Variants in REC114 observed in about 807,000 individuals in gnomAD.
REC114 encodes meiotic recombination protein REC114.
REC114 carries 27 observed loss-of-function variants against 31.3 expected under a neutral mutation model. That is an observed-to-expected ratio of 0.86 (90% CI 0.64 to 1.19). The LOEUF (loss-of-function observed/expected upper bound fraction) is 1.19. REC114 is among the 50% of genes most tolerant of loss of function. REC114 has a pLI of 0.00. For missense variants in REC114, 344 were observed against 326.9 expected, an observed-to-expected ratio of 1.05 and a Z score of -0.40; for synonymous variants, 134 against 127.7, an observed-to-expected ratio of 1.05 and a Z score of -0.33.
intron 2 of REC114, among the ~76,000 whole-genome samples, chr15:73,512,152 G>A (rs1316603266): frequency 1.4e-5 from 2 of 138,510 alleles, no homozygotes; most frequent in Non-Finnish European, 3.0e-5. Flanking sequence ...TATATATTTA[G>A]GATAGTTAGC....
chr15:73,551,088 C>T lies in REC114; in HGVS notation c.484C>T (p.Pro162Ser), dbSNP rs369996498. The T allele has an allele frequency of 1.4e-5, 22 of 1,613,434 alleles. No homozygotes were observed. The highest frequency in any genetic ancestry group is 1.3e-4 in the African/African-American group (10 of 75,018). Reference sequence around the variant, plus strand: ...CCAGGAGCTTCAGCTGATTCCTGGCCCACCCAGGGCAACTGAAAGTCAAGG... The same window carrying T: ...CCAGGAGCTTCAGCTGATTCCTGGCTCACCCAGGGCAACTGAAAGTCAAGG... ...NIQELQLIPGPPRATESQGKD... is the reference protein window; with the variant it reads ...NIQELQLIPGSPRATESQGKD... Residue 162 changes from proline (P) to serine (S), a missense_variant, in exon 4 of 6, where the codon CCA (proline) becomes TCA (serine). By Grantham distance (74) the Pro-to-Ser change is moderately conservative. Transcript: ENST00000331090.
chr15:73,513,981 AGCTTCCTG>A (rs1333008250), intron 2 of REC114, among the ~76,000 whole-genome samples: 20 of 152,030 alleles, frequency 1.3e-4, no homozygotes, highest in African/African-American at 4.8e-4. Flanking sequence ...ACCCAGTTCG[AGCTTCCTG>A]GCTGCTTTGT....
At chr15:73,526,248 G>T (rs1894005783) in intron 2 of REC114, among the ~76,000 whole-genome samples, 1 of 152,048 alleles carries the variant, frequency 6.6e-6, no homozygotes, top group Non-Finnish European at 1.5e-5. Context: ...AATATCGTCT[G>T]ATCTTGCTTT....
At chr15:73,463,542 T>G (rs543293636) in intron 1 of REC114, among the ~76,000 whole-genome samples, 2 of 152,326 alleles carry the variant, frequency 1.3e-5, no homozygotes, top group East Asian at 1.9e-4. Context: ...TGAGTTAAGC[T>G]GGGCGCTGTG....
chr15:73,547,717 T>C (rs952021278), intron 3 of REC114, among the ~76,000 whole-genome samples: 1 of 152,118 alleles, frequency 6.6e-6, no homozygotes, highest in Non-Finnish European at 1.5e-5. Context: ...AGCCATAAAA[T>C]AGCCATACAC....
chr15:73,460,180 A>G (rs1188225326), intron 1 of REC114, among the ~76,000 whole-genome samples: 1 of 152,180 alleles, frequency 6.6e-6, no homozygotes, highest in African/African-American at 2.4e-5. Flanking sequence ...TGTAACAGAC[A>G]TAGTTTTCAT....
chr15:73,501,303 A>C (rs1893601298), intron 2 of REC114, among the ~76,000 whole-genome samples: 1 of 152,220 alleles, frequency 6.6e-6, no homozygotes, highest in Admixed American at 6.5e-5. Flanking sequence ...AGCACAATTT[A>C]AGGCAAGGTG....
intron 1 of REC114, among the ~76,000 whole-genome samples, chr15:73,444,438 G>C: frequency 6.6e-6 from 1 of 152,204 alleles, no homozygotes. Context: ...TCTTCACCAG[G>C]AGTAGATGCC....
chr15:73,544,404 A>C (rs1286064272), intron 3 of REC114, among the ~76,000 whole-genome samples: 1 of 152,196 alleles, frequency 6.6e-6, no homozygotes, highest in Admixed American at 6.5e-5. Context: ...GGAAGAAGTA[A>C]AATTTTCATT....
At chr15:73,500,728 G>GTTTTT (rs58043618) in intron 2 of REC114, among the ~76,000 whole-genome samples, 1 of 103,732 alleles carries the variant, frequency 9.6e-6, no homozygotes, top group Non-Finnish European at 2.2e-5. Context: ...TTCAATTATT[G>GTTTTT]TTTTTTTTTT....
At chr15:73,447,702 A>G (rs965778887) in intron 1 of REC114, among the ~76,000 whole-genome samples, 2 of 151,892 alleles carry the variant, frequency 1.3e-5, no homozygotes, top group African/African-American at 4.8e-5. Flanking sequence ...AAAATACAAC[A>G]AGATAGCCGA....
intron 2 of REC114, among the ~76,000 whole-genome samples, chr15:73,493,941 A>G (rs935177922): frequency 2.0e-5 from 3 of 152,222 alleles, no homozygotes; most frequent in Admixed American, 2.0e-4. Context: ...AACAGATTCC[A>G]GATGAGGGCT....
chr15:73,464,685 T>C (rs950999964), intron 1 of REC114, among the ~76,000 whole-genome samples: 4 of 152,094 alleles, frequency 2.6e-5, no homozygotes, highest in East Asian at 1.9e-4. Context: ...TCAGAGCACA[T>C]AGTCTGGTCT....
At chr15:73,502,140 G>A (rs1010248838) in intron 2 of REC114, among the ~76,000 whole-genome samples, 2 of 112,396 alleles carry the variant, frequency 1.8e-5, no homozygotes, top group Non-Finnish European at 3.7e-5. Flanking sequence ...GGGCAACAGA[G>A]CAAGACCTTG....
At chr15:73,480,958 C>T (rs904036292) in intron 2 of REC114, among the ~76,000 whole-genome samples, 1 of 152,038 alleles carries the variant, frequency 6.6e-6, no homozygotes, top group Non-Finnish European at 1.5e-5. Context: ...GATTACAGGC[C>T]ACCGCACCTG....
Position 73,481,650 on chromosome 15 carries a change from CTTT to C in REC114, c.249+7753_249+7755del, listed in dbSNP as rs530704232. On this transcript the variant is annotated intron_variant, in intron 2 of 5. Coordinates refer to ENST00000331090, the MANE Select transcript of REC114 (RefSeq NM_001042367.2). ...ACATAAAATTTACCATCTTAACTCC[CTTT>C]TTTTTTTTTTTTTTTTTTTTTTTGA... is the stretch of plus-strand genomic sequence containing the variant. Among the ~76,000 whole-genome samples, 803 of 113,838 alleles carry C rather than the reference CTTT, an allele frequency of 7.1e-3. 1 individual carries two copies. Among genetic ancestry groups the C allele is most frequent in the Non-Finnish European group, 8.6e-3 (485 of 56,150 alleles). The allele number at this position is 113,838 out of a possible 152,430, so 74.7% of individuals were successfully genotyped here. A position where few individuals can be genotyped will look rare whatever the true frequency, so the allele number is the denominator to read the frequency against.
At chr15:73,454,476 A>G (rs1382969911) in intron 1 of REC114, among the ~76,000 whole-genome samples, 1 of 152,152 alleles carries the variant, frequency 6.6e-6, no homozygotes, top group Non-Finnish European at 1.5e-5. Context: ...GGCTGTGAGT[A>G]TGATTAGAGA....
intron 2 of REC114, among the ~76,000 whole-genome samples, chr15:73,496,008 G>C (rs531245025): frequency 6.6e-6 from 1 of 152,180 alleles, no homozygotes; most frequent in African/African-American, 2.4e-5. Context: ...AGATGCTCTA[G>C]CAGCATAATA....
chr15:73,546,506 G>T (rs186792995), intron 3 of REC114, among the ~76,000 whole-genome samples: 8 of 152,246 alleles, frequency 5.3e-5, no homozygotes, highest in African/African-American at 1.9e-4. Context: ...TTCAGCCATT[G>T]AAAGTAATGA....
Sources: gnomAD v4.1 joint callset for allele counts (sites outside exome capture counted in the v4.1 genomes callset) on GRCh38, gnomAD v4.1.1 for gene constraint, MANE v1.5 for transcripts, NCBI Gene and HGNC (gene_info 2026-07-23, HGNC 2026-07-21) for gene names.